The following PCNT variants were observed in gnomAD, a reference collection of about 807,000 sequenced individuals.
The protein encoded by PCNT is kendrin.
In PCNT, 319 loss-of-function variants were observed where a neutral mutation model predicts 380.4. The ratio of observed to expected loss-of-function variants is 0.84; its 90% confidence interval spans 0.77 to 0.92. The LOEUF is 0.92. Ranked by LOEUF, PCNT falls within the 40% of genes least tolerant of loss-of-function variation. The probability of loss-of-function intolerance (pLI) is 0.00; values close to 1 mark genes in which losing one functional copy is unlikely to be tolerated. For missense variants in PCNT, 4,400 were observed against 4,255.3 expected (o/e 1.03, Z -0.95); for synonymous variants, 1,845 against 1,735.2 (o/e 1.06, Z -1.57).
chr21:46,402,191 CG>C, intron 26 of PCNT, 139 bp from the exon 27 acceptor site: 1 of 591,800 alleles, frequency 1.7e-6, no homozygotes, highest in Non-Finnish European at 2.9e-6. Flanking sequence ...CATTTGTGTG[CG>C]GGTACAGGTA....
Position 46,412,858 on chromosome 21 carries a change from G to A in PCNT, c.6016G>A (p.Val2006Met). 1 of 1,612,342 alleles carries A rather than the reference G, an allele frequency of 6.2e-7. No homozygotes were observed. The highest frequency in any genetic ancestry group is 8.5e-7 in the Non-Finnish European group (1 of 1,180,012). ...DPQGDLQPVL[V>M]TLKDAPLCKQ... is the part of the protein sequence containing the mutation. Reference sequence around the variant, plus strand: ...CAAGGGTGATCTGCAGCCTGTCCTGGTGACGTTGAAGGATGCACCTCTCTG... The same window carrying A: ...CAAGGGTGATCTGCAGCCTGTCCTGATGACGTTGAAGGATGCACCTCTCTG... Residue 2006 changes from valine (V) to methionine (M), a missense_variant, in exon 29 of 47, where the codon GTG becomes ATG. Coordinates refer to ENST00000359568, the MANE Select transcript of PCNT (RefSeq NM_006031.6).
At chr21:46,444,229 A>T (rs1052473983) in intron 45 of PCNT, among the ~76,000 whole-genome samples, 3 of 152,122 alleles carry the variant, frequency 2.0e-5, no homozygotes, top group Non-Finnish European at 4.4e-5. Flanking sequence ...TGCCTTGGTG[A>T]AGAAGGCATG....
intron 1 of PCNT, 91 bp downstream of exon 1, chr21:46,324,373 C>T (rs1239861568): frequency 5.3e-6 from 6 of 1,131,562 alleles, no homozygotes; most frequent in Admixed American, 4.0e-5. Context: ...CAGGAGAGGA[C>T]GCGGTCCGGC....
chr21:46,412,205 G>A, intron 28 of PCNT, 138 bp downstream of exon 28: 4 of 1,052,710 alleles, frequency 3.8e-6, no homozygotes, highest in Non-Finnish European at 4.1e-6. Context: ...GAGAAAGGGG[G>A]CCTGAAGCTC....
intron 44 of PCNT, chr21:46,442,959 C>G: frequency 3.1e-6 from 1 of 318,992 alleles, no homozygotes; most frequent in Non-Finnish European, 6.1e-6. Flanking sequence ...CGGGAGTTCT[C>G]TGCCGAGCCA....
intron 38 of PCNT, 69 bp from the exon 39 acceptor site, chr21:46,435,835 C>T: frequency 5.6e-6 from 9 of 1,600,252 alleles, no homozygotes; most frequent in South Asian, 1.1e-5. Context: ...AACCACCGCG[C>T]CCGGCCGGCA....
rs2084444975 is a variant in PCNT at position 46,355,633 on chromosome 21, C to T, written c.1936+7C>T. 1 of 1,612,370 alleles carries T rather than the reference C, an allele frequency of 6.2e-7. No individual in the cohort carries two copies. Among genetic ancestry groups the T allele is most frequent in the Non-Finnish European group, 8.5e-7 (1 of 1,179,524 alleles). On this transcript the variant is annotated splice_region_variant and intron_variant, in intron 12 of 46. Transcript: ENST00000359568. ...TCTGAAGGGCACAGCCAAGGTGGGC[C>T]CCTCCCGCCTCGCCATGGTGTCGGC...
chr21:46,324,914 G>GC (rs1367660706), intron 1 of PCNT: 7 of 985,348 alleles, frequency 7.1e-6, no homozygotes, highest in Non-Finnish European at 8.4e-6. Context: ...TGTGTGAAAG[G>GC]CCCCCGCGGC....
intron 29 of PCNT, 27 bp from the exon 30 acceptor site, chr21:46,416,042 C>T (rs372700822): frequency 1.4e-5 from 22 of 1,612,504 alleles, no homozygotes; most frequent in East Asian, 1.3e-4. Flanking sequence ...GGTATTCCAC[C>T]GTGCACCTGT....
chr21:46,429,438 G>A (rs1307707693), intron 35 of PCNT, among the ~76,000 whole-genome samples: 2 of 149,632 alleles, frequency 1.3e-5, no homozygotes, highest in South Asian at 2.1e-4. Flanking sequence ...GCACGTGCTC[G>A]TGAGGGGCAC....
At chr21:46,360,191 T>C (rs1429927534) in intron 13 of PCNT, among the ~76,000 whole-genome samples, 10 of 149,748 alleles carry the variant, frequency 6.7e-5, no homozygotes, top group African/African-American at 2.5e-4. Flanking sequence ...GTGCATTTTA[T>C]GTGGACAGCA....
Position 46,411,219 on chromosome 21 carries a change from G to T in PCNT, c.5146G>T (p.Glu1716Ter). The T allele has an allele frequency of 6.2e-7, 1 of 1,614,144 alleles. No homozygotes were observed. Among genetic ancestry groups the T allele is most frequent in the Non-Finnish European group, 8.5e-7 (1 of 1,180,014 alleles). The change falls in exon 28 of 47, where the codon GAG (glutamate) becomes TAG (stop). Residue 1716 changes from glutamate to a stop codon, truncating the protein, a stop_gained. Transcript: ENST00000359568. LOFTEE classifies it high-confidence loss of function. ...ATATACCAGAAGTTCTGAGATTGAAGAGCTGAAAGCCACTATTGAAAATCT... is the reference window on the plus strand; with the variant it reads ...ATATACCAGAAGTTCTGAGATTGAATAGCTGAAAGCCACTATTGAAAATCT... ...VIYTRSSEIE[E>*]LKATIENLQE...
At position 46,416,617 on chromosome 21, in the gene PCNT, C is replaced by G. The variant is rs748852505; in HGVS notation, c.6699C>G (p.Asp2233Glu). ...SWSSPEVLRK[D>E]WTLEPWPSLP... ...GCTCCCCTGAGGTCCTCAGGAAGGA[C>G]TGGACCCTGGAGCCCTGGCCCAGCC... Residue 2233 changes from aspartate (D) to glutamate (E), a missense_variant, in exon 30 of 47, where the codon GAC becomes GAG. Transcript: ENST00000359568. The G allele has an allele frequency of 1.9e-6, 3 of 1,586,286 alleles. No homozygotes were observed. The highest frequency in any genetic ancestry group is 2.6e-6 in the Non-Finnish European group (3 of 1,166,984).
intron 12 of PCNT, among the ~76,000 whole-genome samples, chr21:46,355,928 C>G (rs2084458517): frequency 6.6e-6 from 1 of 152,184 alleles, no homozygotes; most frequent in Non-Finnish European, 1.5e-5. Flanking sequence ...CCATTCACCT[C>G]TGGAGGGAGA....
chr21:46,359,640 C>T (rs2084631856), intron 13 of PCNT, among the ~76,000 whole-genome samples: 1 of 141,270 alleles, frequency 7.1e-6, no homozygotes, highest in South Asian at 2.2e-4. Flanking sequence ...AGGCACGTGC[C>T]ACCACACCCG....
chr21:46,392,639 G>A (rs1189005733), intron 21 of PCNT, among the ~76,000 whole-genome samples: 2 of 152,224 alleles, frequency 1.3e-5, no homozygotes. Context: ...CTTTCCACCT[G>A]TGGTGCTCGT....
rs1262740659 is a variant in PCNT at position 46,402,326 on chromosome 21, G to A, written c.4963-5G>A. On this transcript the variant is annotated splice_region_variant and splice_polypyrimidine_tract_variant and intron_variant, in intron 26 of 46. Transcript: ENST00000359568. ...AATACTTTTCTTCTTTTGTTTTAATGAAAGGTTTTGGACTTAAAAGAACAG... is the reference window on the plus strand; with the variant it reads ...AATACTTTTCTTCTTTTGTTTTAATAAAAGGTTTTGGACTTAAAAGAACAG... The A allele has an allele frequency of 6.3e-7, 1 of 1,584,574 alleles. No individual in the cohort carries two copies. The highest frequency in any genetic ancestry group is 8.7e-7 in the Non-Finnish European group (1 of 1,154,014).
rs758904995 is a variant in PCNT at position 46,357,082 on chromosome 21, C to T, written c.2045C>T (p.Ser682Leu). The change falls in exon 13 of 47, where the codon TCG becomes TTG. Residue 682 changes from serine (S) to leucine (L), a missense_variant. Coordinates refer to ENST00000359568, the MANE Select transcript of PCNT (RefSeq NM_006031.6). Reference protein sequence around the residue: ...GLETEHKVQLSLLQTELKEEI... With the variant: ...GLETEHKVQLLLLQTELKEEI... ...GAAACTGAGCACAAGGTGCAACTTTCGCTTCTTCAGACTGAGCTCAAAGAA... is the reference window on the plus strand; with the variant it reads ...GAAACTGAGCACAAGGTGCAACTTTTGCTTCTTCAGACTGAGCTCAAAGAA... 54 of 1,613,740 alleles carry T rather than the reference C, an allele frequency of 3.3e-5. No homozygotes were observed. The highest frequency in any genetic ancestry group is 1.6e-4 in the African/African-American group (12 of 74,916).
rs1396439708 is a variant in PCNT, at chr21:46,440,081, A to G, written c.9274-2A>G. On this transcript the variant is annotated splice_acceptor_variant, in intron 41 of 46. Coordinates refer to ENST00000359568, the MANE Select transcript of PCNT (RefSeq NM_006031.6). LOFTEE classifies it high-confidence loss of function. ...GACAGCGCTGGCTGTGCTTCCTTAC[A>G]GAGGTCGGAAAGGTCTGCTTGGAAG... 6.2e-7 allele frequency: 1 copy of G among 1,614,020 alleles called. No individual in the cohort carries two copies. The highest frequency in any genetic ancestry group is 2.2e-5 in the East Asian group (1 of 44,868).
Sources: allele counts gnomAD v4.1 joint callset (sites outside exome capture counted in the v4.1 genomes callset), GRCh38; gene constraint gnomAD v4.1.1; transcripts MANE v1.5; gene names NCBI Gene and HGNC (gene_info 2026-07-23, HGNC 2026-07-21).